Variants in SYNPR observed in about 807,000 individuals in gnomAD.
The protein encoded by SYNPR is synaptoporin.
Under a neutral mutation model 32.9 loss-of-function variants are expected in SYNPR, and 23 were observed. The observed-to-expected ratio is 0.70, with a 90% CI of 0.50 to 0.99. The LOEUF is 0.99. SYNPR is among the 50% of genes least tolerant of loss of function. The pLI is 0.00. For missense variants in SYNPR, 318 were observed against 349.3 expected (o/e 0.91, Z 0.71); for synonymous variants, 146 against 135.9 (o/e 1.07, Z -0.52).
chr3:63,370,272 C>T (rs1203741668), intron 2 of SYNPR, among the ~76,000 whole-genome samples: 1 of 152,102 alleles, frequency 6.6e-6, no homozygotes, highest in Non-Finnish European at 1.5e-5. Context: ...AAAGCTAGCC[C>T]AAGATGGGAA....
At chr3:63,376,941 A>G (rs2087903054) in intron 2 of SYNPR, among the ~76,000 whole-genome samples, 1 of 152,126 alleles carries the variant, frequency 6.6e-6, no homozygotes, top group Non-Finnish European at 1.5e-5. Flanking sequence ...GGTGCATAAC[A>G]AAACCTTAAA....
the SYNPR span, among the ~76,000 whole-genome samples, chr3:63,208,290 ATTGT>A: frequency 2.6e-5 from 4 of 152,180 alleles, no homozygotes; most frequent in African/African-American, 7.2e-5. Context: ...TGAGGTTTAA[ATTGT>A]TTGGGAAAGA....
chr3:63,501,403 T>C (rs1701475789), intron 3 of SYNPR, among the ~76,000 whole-genome samples: 2 of 149,092 alleles, frequency 1.3e-5, no homozygotes, highest in South Asian at 4.2e-4. Context: ...CACTTGCACC[T>C]GGGAGGTTAA....
At chr3:63,608,499 C>T (rs1016200826) in intron 4 of SYNPR, among the ~76,000 whole-genome samples, 8 of 152,188 alleles carry the variant, frequency 5.3e-5, no homozygotes, top group Admixed American at 2.0e-4. Context: ...AACATTACAG[C>T]TCTTATTGTC....
intron 2 of SYNPR, among the ~76,000 whole-genome samples, chr3:63,255,138 A>C (rs2086371170): frequency 6.6e-6 from 1 of 152,144 alleles, no homozygotes; most frequent in African/African-American, 2.4e-5. Flanking sequence ...TGACAAACAA[A>C]CATCTCTCCA....
chr3:63,286,504 C>T (rs908889081), intron 2 of SYNPR, among the ~76,000 whole-genome samples: 2 of 152,160 alleles, frequency 1.3e-5, no homozygotes, highest in Non-Finnish European at 2.9e-5. Flanking sequence ...TGGGGAAAAC[C>T]CTGGAGTTAT....
chr3:63,607,747 T>C (rs1700143972), intron 4 of SYNPR, among the ~76,000 whole-genome samples: 1 of 152,186 alleles, frequency 6.6e-6, no homozygotes, highest in South Asian at 2.1e-4. Context: ...CAGCTACTCT[T>C]AGTAGTGAGA....
Position 63,339,258 on chromosome 3 carries a change from A to G in SYNPR, c.84+60516A>G, listed in dbSNP as rs189392970. The stretch of plus-strand genomic sequence containing the variant: ...TCCCAGGCACAAGTAGTAAACAAAG[A>G]GAGGCAACATCTCTGCTCACATGGT... On this transcript the variant is annotated intron_variant, in intron 2 of 5. Coordinates refer to ENST00000478300, the MANE Select transcript of SYNPR (RefSeq NM_001130003.2). 2.5e-3 allele frequency among the ~76,000 whole-genome samples: 374 copies of G among 152,358 alleles called. 2 individuals carry two copies. In the Middle Eastern group the frequency reaches 0.027, roughly 11 times the overall value.
At chr3:63,472,575 T>A (rs2106678605) in intron 2 of SYNPR, among the ~76,000 whole-genome samples, 1 of 152,300 alleles carries the variant, frequency 6.6e-6, no homozygotes, top group Admixed American at 6.5e-5. Flanking sequence ...CATTCCTTCA[T>A]ATATTTGCTT....
chr3:63,509,288 G>GTGTATATATGTATATA (rs1553642324), intron 3 of SYNPR, among the ~76,000 whole-genome samples: 1 of 147,634 alleles, frequency 6.8e-6, no homozygotes, highest in Non-Finnish European at 1.5e-5. Context: ...ATATGTGTGT[G>GTGTATATATGTATATA]TATATATATA....
rs58276917 is a variant in SYNPR, at chr3:63,515,857, G to A, written c.209+34901G>A. On this transcript the variant is annotated intron_variant, in intron 3 of 5. Coordinates refer to ENST00000478300, the MANE Select transcript of SYNPR (RefSeq NM_001130003.2). Reference sequence around the variant, plus strand: ...TCACACGAAAAAGGTAGCTTAATCTGCTGAGCATTAAATAACATTAAATTA... The same window carrying A: ...TCACACGAAAAAGGTAGCTTAATCTACTGAGCATTAAATAACATTAAATTA... 1.9e-3 allele frequency among the ~76,000 whole-genome samples: 291 copies of A among 152,130 alleles called. 2 individuals are homozygous for A. Among genetic ancestry groups the A allele is most frequent in the African/African-American group, 6.7e-3 (280 of 41,516 alleles).
chr3:63,609,786 T>C (rs572015239), intron 5 of SYNPR, among the ~76,000 whole-genome samples: 1 of 152,224 alleles, frequency 6.6e-6, no homozygotes, highest in African/African-American at 2.4e-5. Context: ...GGCTCATGCC[T>C]ATAGTCCCAG....
At chr3:63,408,315 G>GAAAGAAAGAAAGAAAGACAGAAAAGAAAA (rs2088410694) in intron 2 of SYNPR, among the ~76,000 whole-genome samples, 1 of 42,058 alleles carries the variant, frequency 2.4e-5, no homozygotes, top group Admixed American at 2.6e-4. Context: ...AAGGAAGGAA[G>GAAAGAAAGAAAGAAAGACAGAAAAGAAAA]GAAGGAAAGA....
intron 2 of SYNPR, among the ~76,000 whole-genome samples, chr3:63,417,980 A>G (rs903871880): frequency 6.6e-6 from 1 of 152,214 alleles, no homozygotes; most frequent in African/African-American, 2.4e-5. Context: ...GCTCCTCATT[A>G]CTTATGCAAA....
rs570795975 is a variant in SYNPR, at chr3:63,462,579, C to T, written c.85-18253C>T. Among the ~76,000 whole-genome samples, 19 of 152,200 alleles carry T rather than the reference C, an allele frequency of 1.2e-4. No homozygotes were observed. The South Asian group carries it at 2.1e-3, about 17-fold the overall frequency. On this transcript the variant is annotated intron_variant, in intron 2 of 5. Transcript: ENST00000478300. ...CTCCAATTTAGGTCGCTGAGTTATACTTTATTCCCAGGACATGAGTACTAG... is the reference window on the plus strand; with the variant it reads ...CTCCAATTTAGGTCGCTGAGTTATATTTTATTCCCAGGACATGAGTACTAG...
At chr3:63,420,673 TA>T (rs775023182) in intron 2 of SYNPR, among the ~76,000 whole-genome samples, 1 of 152,184 alleles carries the variant, frequency 6.6e-6, no homozygotes, top group Non-Finnish European at 1.5e-5. Flanking sequence ...AAGCAAATGT[TA>T]TTTTTTTAAA....
intron 3 of SYNPR, among the ~76,000 whole-genome samples, chr3:63,533,053 C>A (rs887930420): frequency 6.6e-6 from 1 of 152,160 alleles, no homozygotes; most frequent in Non-Finnish European, 1.5e-5. Context: ...TCAATTATAG[C>A]ACTTAGCACA....
chr3:63,317,161 T>A (rs755891965), intron 2 of SYNPR, among the ~76,000 whole-genome samples: 20 of 152,044 alleles, frequency 1.3e-4, no homozygotes, highest in African/African-American at 2.2e-4. Context: ...TCATATGATC[T>A]GTCTTGGAGA....
chr3:63,564,215 C>G (rs1286499327), intron 4 of SYNPR, among the ~76,000 whole-genome samples: 1 of 132,990 alleles, frequency 7.5e-6, no homozygotes, highest in Admixed American at 7.8e-5. Flanking sequence ...TTTTTTGAGA[C>G]AGAGTCTTGC....
Sources: allele counts gnomAD v4.1 joint callset (sites outside exome capture counted in the v4.1 genomes callset), GRCh38; gene constraint gnomAD v4.1.1; transcripts MANE v1.5; gene names NCBI Gene and HGNC (gene_info 2026-07-23, HGNC 2026-07-21).